COL10A1: variants seen among roughly 807,000 people sequenced by gnomAD.
COL10A1 encodes collagen alpha-1(X) chain.
COL10A1 carries 10 observed loss-of-function variants against 18.2 expected under a neutral mutation model. That is an observed-to-expected ratio of 0.55 (90% confidence interval 0.34 to 0.93). COL10A1 has a LOEUF of 0.93. Among genes scored for constraint, COL10A1 ranks in the 40% least tolerant of loss-of-function variants. The pLI, the probability that COL10A1 is intolerant of heterozygous loss-of-function variation, is 0.02. For synonymous variants in COL10A1, 330 were observed against 316.6 expected (o/e 1.04, Z -0.45); for missense variants, 897 against 853.5 (o/e 1.05, Z -0.64).
At position 116,121,096 on chromosome 6, in the gene COL10A1, A is replaced by G; in HGVS notation, c.1020T>C (p.Pro340=). The change falls in exon 3 of 3, where the codon CCT becomes CCC. Residue 340 remains proline, a synonymous_variant. Coordinates refer to ENST00000651968, the MANE Select transcript of COL10A1 (RefSeq NM_000493.4). The stretch of plus-strand genomic sequence containing the variant: ...TTGGTCCTTGGGGTCCCATATTCCC[A>G]GGGGGTCCAGTCAGACCTGGCTTCC... The part of the protein sequence containing the change: ...LPGKPGLTGP[P]GNMGPQGPKG... 6.2e-7 allele frequency: 1 copy of G among 1,613,824 alleles called. No individual in the cohort carries two copies. Among genetic ancestry groups the G allele is most frequent in the Non-Finnish European group, 8.5e-7 (1 of 1,179,886 alleles).
At chr6:116,156,960 G>T (rs533351990) in intron 1 of COL10A1, among the ~76,000 whole-genome samples, 1 of 152,082 alleles carries the variant, frequency 6.6e-6, no homozygotes. Flanking sequence ...CTGGCAAGAA[G>T]GCCTGCTGCA....
the COL10A1 span, among the ~76,000 whole-genome samples, chr6:116,170,056 C>A: frequency 1.3e-5 from 2 of 152,078 alleles, no homozygotes; most frequent in African/African-American, 4.8e-5. Flanking sequence ...GAGCCATAAG[C>A]GACATTGTCC....
the COL10A1 span, among the ~76,000 whole-genome samples, chr6:116,206,448 C>T: frequency 6.6e-6 from 1 of 151,984 alleles, no homozygotes; most frequent in African/African-American, 2.4e-5. Context: ...ACAACTAAGA[C>T]TTGACTCAAG....
At chr6:116,209,611 G>C in the COL10A1 span, among the ~76,000 whole-genome samples, 1 of 151,914 alleles carries the variant, frequency 6.6e-6, no homozygotes, top group Non-Finnish European at 1.5e-5. Context: ...AGCTTCCAAG[G>C]TTCACCAGGC....
Position 116,148,146 on chromosome 6 carries a change from A to G in COL10A1, c.-16+10468T>C, listed in dbSNP as rs149253261. On this transcript the variant is annotated intron_variant, in intron 1 of 1. Coordinates refer to the COL10A1 transcript ENST00000418500. Reference sequence around the variant, plus strand: ...ATATGTATGTAACACAGAATATCTCATATTCCTTGTATAAGGATAGACAAA... The same window carrying G: ...ATATGTATGTAACACAGAATATCTCGTATTCCTTGTATAAGGATAGACAAA... 3.0e-3 allele frequency among the ~76,000 whole-genome samples: 460 copies of G among 152,296 alleles called. 2 individuals carry two copies. Among genetic ancestry groups the G allele is most frequent in the African/African-American group, 0.01 (435 of 41,562 alleles).
intron 1 of COL10A1, among the ~76,000 whole-genome samples, chr6:116,154,476 C>T (rs772092179): frequency 2.0e-5 from 3 of 152,036 alleles, no homozygotes; most frequent in Non-Finnish European, 2.9e-5. Context: ...TGATAATGTT[C>T]CTGCTCTGTG....
the COL10A1 span, among the ~76,000 whole-genome samples, chr6:116,200,000 G>GGC: frequency 3.8e-4 from 35 of 90,948 alleles, 1 homozygote; most frequent in African/African-American, 1.0e-3. Flanking sequence ...TATGGAAAGT[G>GGC]GGGGGGGAAG....
At chr6:116,139,137 T>C (rs188303041) in intron 1 of COL10A1, among the ~76,000 whole-genome samples, 4 of 152,254 alleles carry the variant, frequency 2.6e-5, no homozygotes, top group Non-Finnish European at 4.4e-5. Context: ...TAAAGAGTTA[T>C]TTGGCAAAAA....
the COL10A1 span, among the ~76,000 whole-genome samples, chr6:116,183,064 T>C: frequency 6.6e-6 from 1 of 152,074 alleles, no homozygotes; most frequent in Admixed American, 6.6e-5. Flanking sequence ...AGATGAGAGA[T>C]GAGGATCCAT....
chr6:116,127,200 T>C, upstream of COL10A1, among the ~76,000 whole-genome samples: 1 of 152,172 alleles, frequency 6.6e-6, no homozygotes, highest in Non-Finnish European at 1.5e-5. Flanking sequence ...TAATCAATAA[T>C]TGAAATAATT....
At chr6:116,139,480 C>T (rs184327450) in intron 1 of COL10A1, among the ~76,000 whole-genome samples, 3 of 152,156 alleles carry the variant, frequency 2.0e-5, no homozygotes, top group Admixed American at 2.0e-4. Flanking sequence ...AATTCTTGTA[C>T]ATTTTAATAC....
chr6:116,119,407 G>T lies in COL10A1; in HGVS notation c.*666C>A, dbSNP rs1041423137. Reference sequence around the variant, plus strand: ...TGCAATCATAGAAAAGTTTGAAAAGGTTCATTGATGAAAGCACCTTGCATT... The same window carrying T: ...TGCAATCATAGAAAAGTTTGAAAAGTTTCATTGATGAAAGCACCTTGCATT... On this transcript the variant is annotated 3_prime_UTR_variant, in exon 3 of 3. Transcript: ENST00000651968. 2.6e-5 allele frequency: 4 copies of T among 152,434 alleles called. No homozygotes were observed. The highest frequency in any genetic ancestry group is 9.7e-5 in the African/African-American group (4 of 41,436). 9.4% of individuals were successfully genotyped at this position (152,434 alleles called of 1,614,324 possible).
intron 1 of COL10A1, among the ~76,000 whole-genome samples, chr6:116,149,695 A>G (rs1246903162): frequency 6.6e-6 from 1 of 152,232 alleles, no homozygotes; most frequent in Non-Finnish European, 1.5e-5. Context: ...CTTAGTGTTG[A>G]TGCACCAAAT....
intron 1 of COL10A1, among the ~76,000 whole-genome samples, chr6:116,138,522 A>G (rs376156060): frequency 6.6e-6 from 1 of 152,338 alleles, no homozygotes; most frequent in East Asian, 1.9e-4. Context: ...CTAGTTCAGA[A>G]TTTGCTAATT....
chr6:116,202,602 TAA>T, the COL10A1 span, among the ~76,000 whole-genome samples: 1 of 151,990 alleles, frequency 6.6e-6, no homozygotes, highest in Non-Finnish European at 1.5e-5. Flanking sequence ...TCAGTGACAC[TAA>T]GTTTAGATTG....
chr6:116,201,072 A>G, the COL10A1 span, among the ~76,000 whole-genome samples: 57 of 152,122 alleles, frequency 3.7e-4, no homozygotes, highest in East Asian at 8.6e-3. Context: ...AACTTGCCCA[A>G]TAGGAGTGAA....
intron 1 of COL10A1, among the ~76,000 whole-genome samples, chr6:116,136,669 A>G (rs960443838): frequency 1.3e-5 from 2 of 152,142 alleles, no homozygotes; most frequent in Non-Finnish European, 2.9e-5. Context: ...ATATGGCAGT[A>G]TCTATCTTTC....
At position 116,120,188 on chromosome 6, in the gene COL10A1, T is replaced by G. The variant is rs750526125; in HGVS notation, c.1928A>C (p.Asp643Ala). 7 of 1,614,138 alleles carry G rather than the reference T, an allele frequency of 4.3e-6. No individual in the cohort carries two copies. Among genetic ancestry groups the G allele is most frequent in the Non-Finnish European group, 5.9e-6 (7 of 1,180,010 alleles). Reference protein sequence around the residue: ...LDQASGSAIIDLTENDQVWLQ... With the variant: ...LDQASGSAIIALTENDQVWLQ... ...CCACACCTGGTCATTTTCTGTGAGA[T>G]CGATGATGGCACTCCCTGAAGCCTG... Residue 643 changes from aspartate to alanine, a missense_variant, in exon 3 of 3, where the codon GAT (aspartate) becomes GCT (alanine). Coordinates refer to ENST00000651968, the MANE Select transcript of COL10A1 (RefSeq NM_000493.4).
the COL10A1 span, among the ~76,000 whole-genome samples, chr6:116,178,052 A>AGTGTGTGTGTGTGT: frequency 3.5e-3 from 471 of 136,376 alleles, 5 homozygotes; most frequent in African/African-American, 0.011. Context: ...CAAAGAGGAA[A>AGTGTGTGTGTGTGT]GTGTGTGTGT....
Sources: gnomAD v4.1 joint callset for allele counts (sites outside exome capture counted in the v4.1 genomes callset) on GRCh38, gnomAD v4.1.1 for gene constraint, MANE v1.5 for transcripts, NCBI Gene and HGNC (gene_info 2026-07-23, HGNC 2026-07-21) for gene names.